FUT8: variants seen among roughly 807,000 people sequenced by gnomAD.
The protein encoded by FUT8 is alpha-(1,6)-fucosyltransferase.
Under a neutral mutation model 71.3 loss-of-function variants are expected in FUT8, and 29 were observed. The observed-to-expected ratio is 0.41, with a 90% confidence interval of 0.30 to 0.55. FUT8 has a LOEUF of 0.55. FUT8 is among the 20% of genes least tolerant of loss of function. The pLI is 0.34. For missense variants in FUT8, 544 were observed against 702.1 expected (o/e 0.77, Z 2.55); for synonymous variants, 254 against 239.3 (o/e 1.06, Z -0.57).
At chr14:65,545,142 C>T (rs147494211) in intron 2 of FUT8, among the ~76,000 whole-genome samples, 19 of 152,060 alleles carry the variant, frequency 1.2e-4, no homozygotes, top group Non-Finnish European at 2.4e-4. Context: ...ACTATTTTTA[C>T]TTGTTCCTTT....
chr14:65,541,367 G>A (rs1884669749), intron 2 of FUT8, among the ~76,000 whole-genome samples: 1 of 152,210 alleles, frequency 6.6e-6, no homozygotes, highest in African/African-American at 2.4e-5. Context: ...GAACAGGAAA[G>A]CCAGTGGTGT....
intron 3 of FUT8, among the ~76,000 whole-genome samples, chr14:65,604,683 C>T (rs1380762873): frequency 6.6e-6 from 1 of 151,772 alleles, no homozygotes; most frequent in African/African-American, 2.4e-5. Context: ...AAGGTCACAC[C>T]TCAAGGAACT....
chr14:65,484,447 A>G lies in FUT8; in HGVS notation c.-228+28729A>G, dbSNP rs147388352. On this transcript the variant is annotated intron_variant, in intron 2 of 10. Coordinates refer to ENST00000673929, the MANE Select transcript of FUT8 (RefSeq NM_001371533.1). ...TTTGGGTAAAGTGTAAAAGAAAATT[A>G]GGAATGGATTTTGAATTTTGTCAGT... Among the ~76,000 whole-genome samples, 677 of 152,308 alleles carry G rather than the reference A, an allele frequency of 4.4e-3. 4 individuals are homozygous for G. The highest frequency in any genetic ancestry group is 0.014 in the African/African-American group (571 of 41,572).
At chr14:65,414,182 C>G (rs1437973602) in intron 1 of FUT8, among the ~76,000 whole-genome samples, 3 of 152,152 alleles carry the variant, frequency 2.0e-5, no homozygotes, top group Non-Finnish European at 4.4e-5. Flanking sequence ...AAATTCAACA[C>G]AAGTTTTGTG....
At chr14:65,440,059 T>C (rs539898647) in intron 1 of FUT8, among the ~76,000 whole-genome samples, 3 of 147,668 alleles carry the variant, frequency 2.0e-5, no homozygotes, top group Admixed American at 1.4e-4. Flanking sequence ...TATAAGAACA[T>C]GGAAGAACTT....
rs1428846246 is a variant in FUT8 at position 65,627,128 on chromosome 14, AAAAT to A, written c.483-2360_483-2357del. 2.0e-5 allele frequency among the ~76,000 whole-genome samples: 3 copies of A among 152,368 alleles called. No individual in the cohort carries two copies. The highest frequency in any genetic ancestry group is 2.1e-4 in the South Asian group (1 of 4,826). ...CTGATTTTAAATAACAAAAAACAAA[AAAAT>A]AAAAGAAGCAACCAAAAAAAAGTTC... On this transcript the variant is annotated intron_variant, in intron 5 of 10. Transcript: ENST00000673929. The surrounding 1 kb of genome is among the most constrained non-coding windows in gnomAD (Gnocchi z 4.0).
chr14:65,465,149 T>C (rs892786804), intron 2 of FUT8, among the ~76,000 whole-genome samples: 1 of 152,224 alleles, frequency 6.6e-6, no homozygotes, highest in Non-Finnish European at 1.5e-5. Flanking sequence ...TTTGTTTTCC[T>C]GTTTTCAATT....
intron 6 of FUT8, among the ~76,000 whole-genome samples, chr14:65,653,476 A>C (rs889242262): frequency 3.9e-5 from 6 of 152,196 alleles, no homozygotes; most frequent in African/African-American, 1.4e-4. Flanking sequence ...AAGTGACAGA[A>C]AACTTCTTAA....
chr14:65,618,731 T>G (rs569672022), intron 5 of FUT8, among the ~76,000 whole-genome samples: 2 of 152,346 alleles, frequency 1.3e-5, no homozygotes, highest in South Asian at 2.1e-4. Context: ...TGGTAATTTT[T>G]ATATGATACA....
In FUT8 at chr14:65,736,243, A is replaced by C. The variant is rs369469429; in HGVS notation, c.1410+2862A>C. On this transcript the variant is annotated intron_variant, in intron 10 of 10. Transcript: ENST00000673929. ...CACTGCGAATAGTACCTAGCAATAC[A>C]GTGTTAAACACATTAGCTGCTATTA... Among the ~76,000 whole-genome samples, 7 of 152,232 alleles carry C rather than the reference A, an allele frequency of 4.6e-5. No homozygotes were observed. The East Asian group carries it at 1.2e-3, about 25-fold the overall frequency.
At chr14:65,578,029 G>GA (rs1190335153) in intron 3 of FUT8, among the ~76,000 whole-genome samples, 1 of 151,900 alleles carries the variant, frequency 6.6e-6, no homozygotes, top group Non-Finnish European at 1.5e-5. Flanking sequence ...GGTGTCACAT[G>GA]AAAAAACATC....
the FUT8 span, among the ~76,000 whole-genome samples, chr14:65,361,260 G>GCTGGGGGATCACCTGAGGTCAGGAGTT: frequency 6.6e-6 from 1 of 150,474 alleles, no homozygotes; most frequent in African/African-American, 2.5e-5. Context: ...GGAGTCTGAG[G>GCTGGGGGATCACCTGAGGTCAGGAGTT]CAAGAGCATT....
Position 65,474,938 on chromosome 14 carries a change from C to T in FUT8, c.-228+19220C>T, listed in dbSNP as rs202078046. Among the ~76,000 whole-genome samples the T allele has an allele frequency of 1.9e-4, 29 of 152,310 alleles. No homozygotes were observed. The East Asian group carries it at 5.4e-3, about 28-fold the overall frequency. On this transcript the variant is annotated intron_variant, in intron 2 of 10. Transcript: ENST00000673929. ...TTCTGAGCTCAAGCAGTCCTCCTGC[C>T]TCGGCCTTCCAAAGTGTTGGGATTA...
chr14:65,514,530 G>A (rs948569395), intron 2 of FUT8, among the ~76,000 whole-genome samples: 2 of 152,092 alleles, frequency 1.3e-5, no homozygotes, highest in East Asian at 3.9e-4. Flanking sequence ...CTCTCTTGAG[G>A]GTCTTATCTT....
At chr14:65,469,306 C>T (rs1450132090) in intron 2 of FUT8, among the ~76,000 whole-genome samples, 2 of 152,058 alleles carry the variant, frequency 1.3e-5, no homozygotes, top group Non-Finnish European at 2.9e-5. Flanking sequence ...TTTATAGTGC[C>T]TCATAATTTT....
At chr14:65,471,165 T>G (rs1180155505) in intron 2 of FUT8, 1 of 286,224 alleles carries the variant, frequency 3.5e-6, no homozygotes, top group South Asian at 3.3e-5. Context: ...CTATAGAACT[T>G]TCCCCCTCAT....
intron 2 of FUT8, among the ~76,000 whole-genome samples, chr14:65,544,008 A>G (rs1884841906): frequency 6.6e-6 from 1 of 152,152 alleles, no homozygotes; most frequent in African/African-American, 2.4e-5. Flanking sequence ...AAATTTTCTT[A>G]TTTTTAAAGT....
In FUT8 at chr14:65,742,427, A is replaced by G. The variant is rs1896550613; in HGVS notation, c.*17A>G. The G allele has an allele frequency of 6.2e-7, 1 of 1,601,886 alleles. No individual in the cohort carries two copies. The highest frequency in any genetic ancestry group is 8.5e-7 in the Non-Finnish European group (1 of 1,172,634). ...GAGAAATAAAGCTCAGATGGAAGAGATAAACGACCAAACTCAGTTCGACCA... is the reference window on the plus strand; with the variant it reads ...GAGAAATAAAGCTCAGATGGAAGAGGTAAACGACCAAACTCAGTTCGACCA... On this transcript the variant is annotated 3_prime_UTR_variant, in exon 11 of 11. Transcript: ENST00000673929.
At chr14:65,585,206 C>G (rs894577925) in intron 3 of FUT8, among the ~76,000 whole-genome samples, 1 of 151,874 alleles carries the variant, frequency 6.6e-6, no homozygotes, top group Non-Finnish European at 1.5e-5. Context: ...ATTAAGTTTT[C>G]TTTAAAGGCA....
Sources: allele counts gnomAD v4.1 joint callset (sites outside exome capture counted in the v4.1 genomes callset), GRCh38; gene constraint gnomAD v4.1.1; non-coding constraint Gnocchi (gnomAD v3.1); transcripts MANE v1.5; gene names NCBI Gene and HGNC (gene_info 2026-07-23, HGNC 2026-07-21).